RASD2: variants seen among roughly 807,000 people sequenced by gnomAD.
RASD2 encodes RASD family member 2.
In RASD2, 7 loss-of-function variants were observed where a neutral mutation model predicts 15.8. The observed-to-expected ratio is 0.44, with a 90% CI of 0.25 to 0.83. RASD2 has a LOEUF of 0.83. Among genes scored for constraint, RASD2 ranks in the 40% least tolerant of loss-of-function variants. The pLI is 0.20. For missense variants in RASD2, 274 were observed against 382.8 expected, an observed-to-expected ratio of 0.72 and a Z score of 2.37; for synonymous variants, 155 against 153.6, an observed-to-expected ratio of 1.01 and a Z score of -0.07.
intron 1 of RASD2, among the ~76,000 whole-genome samples, chr22:35,541,828 A>T (rs1601810174): frequency 1.3e-5 from 2 of 152,194 alleles, no homozygotes; most frequent in South Asian, 4.1e-4. Context: ...AGCCCATTTA[A>T]ATAGGAGGAA....
chr22:35,553,236 G>C lies in RASD2; in HGVS notation c.*1204G>C, dbSNP rs1261324375. ...CCCCACCACCTTCTGCACACACAGC[G>C]GTGGGGAGGCGGGGAGGAGCAGCTG... On this transcript the variant is annotated 3_prime_UTR_variant, in exon 3 of 3. Transcript: ENST00000216127. 1 of 152,346 alleles carries C rather than the reference G, an allele frequency of 6.6e-6. No homozygotes were observed. The highest frequency in any genetic ancestry group is 6.6e-5 in the Admixed American group (1 of 15,264). The allele number at this position is 152,346 out of a possible 1,614,324, so 9.4% of individuals were successfully genotyped here. A position where few individuals can be genotyped will look rare whatever the true frequency, so the allele number is the denominator to read the frequency against.
At chr22:35,533,105 T>G in the RASD2 span, among the ~76,000 whole-genome samples, 2 of 152,196 alleles carry the variant, frequency 1.3e-5, no homozygotes, top group Non-Finnish European at 2.9e-5. Context: ...GTTAACTTTG[T>G]AGCAGACTGA....
At position 35,552,353 on chromosome 22, in the gene RASD2, G is replaced by A. The variant is rs902507954; in HGVS notation, c.*321G>A. 7.8e-6 allele frequency: 3 copies of A among 384,498 alleles called. No homozygotes were observed. The highest frequency in any genetic ancestry group is 4.1e-5 in the African/African-American group (2 of 49,330). 23.8% of individuals were successfully genotyped at this position (384,498 alleles called of 1,614,324 possible). A position where few individuals can be genotyped will look rare whatever the true frequency, so the allele number is the denominator to read the frequency against. On this transcript the variant is annotated 3_prime_UTR_variant, in exon 3 of 3. Transcript: ENST00000216127. Reference sequence around the variant, plus strand: ...AGAAATGTTGATGCCAGAGGGGTGAGGATTGCTGCGTCATATGGAGCCTCC... The same window carrying A: ...AGAAATGTTGATGCCAGAGGGGTGAAGATTGCTGCGTCATATGGAGCCTCC...
chr22:35,549,111 A>C (rs563690133), intron 2 of RASD2, among the ~76,000 whole-genome samples: 140 of 152,376 alleles, frequency 9.2e-4, no homozygotes, highest in Non-Finnish European at 1.5e-3. Context: ...AACGCTACAG[A>C]TAAAGCTAAT....
At chr22:35,545,825 G>A (rs1260236774) in intron 1 of RASD2, among the ~76,000 whole-genome samples, 1 of 152,168 alleles carries the variant, frequency 6.6e-6, no homozygotes, top group East Asian at 1.9e-4. Flanking sequence ...GGGGATTCTG[G>A]TGGGCGCTAA....
In RASD2 at chr22:35,541,304, C is replaced by T. The variant is rs2272860; in HGVS notation, c.-206C>T. 0.18 allele frequency: 26,668 copies of T among 152,066 alleles called. 2,788 individuals carry two copies. Among genetic ancestry groups the T allele is most frequent in the Admixed American group, 0.24 (3,696 of 15,272 alleles). 9.4% of individuals were successfully genotyped at this position (152,066 alleles called of 1,614,324 possible). On this transcript the variant is annotated 5_prime_UTR_variant, in exon 1 of 3. Coordinates refer to ENST00000216127, the MANE Select transcript of RASD2 (RefSeq NM_014310.4). ...TCGGAGCCCACCCATGGGGCACCTG[C>T]CCCTTGCGCCTCCTTGCCCGGCCGC...
intron 2 of RASD2, among the ~76,000 whole-genome samples, chr22:35,549,592 C>T (rs1427050750): frequency 2.6e-5 from 4 of 152,194 alleles, no homozygotes; most frequent in Non-Finnish European, 4.4e-5. Flanking sequence ...GACGCTGCCT[C>T]GCAAGTGCCT....
the RASD2 span, among the ~76,000 whole-genome samples, chr22:35,534,574 T>C: frequency 6.6e-6 from 1 of 152,200 alleles, no homozygotes. Context: ...CTTTCTCTCC[T>C]GGCTGCCCAC....
the RASD2 span, among the ~76,000 whole-genome samples, chr22:35,535,413 A>C: frequency 2.0e-5 from 3 of 152,130 alleles, no homozygotes; most frequent in Non-Finnish European, 4.4e-5. Context: ...CCAAAAAAAA[A>C]AGAAAAAAAA....
In RASD2 at chr22:35,551,383, C is replaced by A; in HGVS notation, c.272-120C>A. 1 of 958,248 alleles carries A rather than the reference C, an allele frequency of 1.0e-6. No homozygotes were observed. Among genetic ancestry groups the A allele is most frequent in the Non-Finnish European group, 1.6e-6 (1 of 625,896 alleles). 59.4% of individuals were successfully genotyped at this position (958,248 alleles called of 1,614,324 possible). On this transcript the variant is annotated intron_variant, in intron 2 of 2. Transcript: ENST00000216127. The surrounding 1 kb of genome is among the most constrained non-coding windows in gnomAD (Gnocchi z 4.9). ...CGCTGTGTAGGTTAAAGCAGTTATG[C>A]CGCATAACTGCTTCAGGGCACCTGT...
At chr22:35,533,447 G>T in the RASD2 span, among the ~76,000 whole-genome samples, 1 of 152,232 alleles carries the variant, frequency 6.6e-6, no homozygotes, top group Non-Finnish European at 1.5e-5. Flanking sequence ...CTTGAGAGAT[G>T]ATGATGATGA....
chr22:35,537,278 TCTGAGA>T (rs1934258414), upstream of RASD2, among the ~76,000 whole-genome samples: 1 of 152,202 alleles, frequency 6.6e-6, no homozygotes, highest in Admixed American at 6.5e-5. Context: ...TTTCTTCTGC[TCTGAGA>T]CTGTTTGGCT....
intron 1 of RASD2, among the ~76,000 whole-genome samples, chr22:35,543,377 C>T (rs1934402732): frequency 6.6e-6 from 1 of 152,214 alleles, no homozygotes; most frequent in African/African-American, 2.4e-5. Context: ...CTTCCCCTCT[C>T]TGATTCCCTG....
chr22:35,542,868 G>A (rs1294151644), intron 1 of RASD2, among the ~76,000 whole-genome samples: 1 of 152,204 alleles, frequency 6.6e-6, no homozygotes, highest in Non-Finnish European at 1.5e-5. Context: ...GGAGAATCCT[G>A]GGAGGTGCCT....
chr22:35,540,375 G>A (rs1452017459), upstream of RASD2, among the ~76,000 whole-genome samples: 7 of 149,616 alleles, frequency 4.7e-5, no homozygotes, highest in African/African-American at 1.7e-4. Flanking sequence ...AGACCGCGGC[G>A]CCCCGGAGGC....
At chr22:35,549,071 A>G (rs1045041039) in intron 2 of RASD2, among the ~76,000 whole-genome samples, 1 of 152,222 alleles carries the variant, frequency 6.6e-6, no homozygotes, top group African/African-American at 2.4e-5. Context: ...TTTCAGTGAC[A>G]CAAGTAATAC....
Position 35,547,033 on chromosome 22 carries a change from C to T in RASD2, c.224C>T (p.Ser75Phe). Residue 75 changes from serine to phenylalanine, a missense_variant, in exon 2 of 3, where the codon TCT becomes TTT. Coordinates refer to ENST00000216127, the MANE Select transcript of RASD2 (RefSeq NM_014310.4). ...DMYQLDILDT[S>F]GNHPFPAMRR... is the part of the protein sequence containing the mutation. ...TACCAGCTCGACATCCTGGATACCT[C>T]TGGCAACCACCCCTTCCCCGCCATG... 6.2e-7 allele frequency: 1 copy of T among 1,614,186 alleles called. No homozygotes were observed. Among genetic ancestry groups the T allele is most frequent in the Non-Finnish European group, 8.5e-7 (1 of 1,180,030 alleles).
At chr22:35,533,041 G>A in the RASD2 span, among the ~76,000 whole-genome samples, 1 of 152,186 alleles carries the variant, frequency 6.6e-6, no homozygotes, top group Non-Finnish European at 1.5e-5. Context: ...CTCCTTGTCT[G>A]GAAAATGGGG....
chr22:35,545,966 A>G (rs1236621825), intron 1 of RASD2, among the ~76,000 whole-genome samples: 1 of 152,016 alleles, frequency 6.6e-6, no homozygotes, highest in East Asian at 1.9e-4. Flanking sequence ...TCCCATAGAA[A>G]GCTCTGGGTT....
Sources: allele counts gnomAD v4.1 joint callset (sites outside exome capture counted in the v4.1 genomes callset), GRCh38; gene constraint gnomAD v4.1.1; non-coding constraint Gnocchi (gnomAD v3.1); transcripts MANE v1.5; gene names NCBI Gene and HGNC (gene_info 2026-07-23, HGNC 2026-07-21).